The following MAPT variants were observed in gnomAD, a reference collection of about 807,000 sequenced individuals.
MAPT encodes the protein microtubule-associated protein tau.
Under a neutral mutation model 67.9 loss-of-function variants are expected in MAPT, and 34 were observed. The observed-to-expected ratio is 0.50, with a 90% CI of 0.38 to 0.67. MAPT has a LOEUF of 0.67. Among genes scored for constraint, MAPT ranks in the 30% least tolerant of loss-of-function variants. MAPT has a pLI of 0.00. For missense variants in MAPT, 881 were observed against 1,115.2 expected (o/e 0.79, Z 2.99); for synonymous variants, 456 against 464.5 (o/e 0.98, Z 0.23).
At chr17:45,900,854 CGGGTTG>C (rs2063567692) in intron 1 of MAPT, among the ~76,000 whole-genome samples, 1 of 152,128 alleles carries the variant, frequency 6.6e-6, no homozygotes, top group Non-Finnish European at 1.5e-5. Flanking sequence ...ACCTGTCTCA[CGGGTTG>C]CCATGGGGTT....
At chr17:46,022,792 C>T (rs940912611) in intron 12 of MAPT, among the ~76,000 whole-genome samples, 6 of 152,066 alleles carry the variant, frequency 3.9e-5, no homozygotes, top group Non-Finnish European at 7.3e-5. Flanking sequence ...CAGCCAGGCA[C>T]GATGGCATGA....
chr17:45,983,228 C>G lies in MAPT; in HGVS notation c.649C>G (p.Pro217Ala). Residue 217 changes from proline to alanine, a missense_variant, in exon 5 of 13, where the codon CCC (proline) becomes GCC (alanine). Physicochemically the swap from Pro to Ala is conservative, Grantham distance 27. Around this residue, in one of 6 missense-constraint regions of MAPT, gnomAD observed 687 missense variants for 766.1 expected, o/e 0.90. Coordinates refer to ENST00000262410, the MANE Select transcript of MAPT (RefSeq NM_001377265.1). ...VQEGFLREPG[P>A]PGLSHQLMSG... ...GGAAGGCTTCCTCCGAGAGCCAGGC[C>G]CCCCAGGTCTGAGCCACCAGCTCAT... The G allele has an allele frequency of 6.2e-7, 1 of 1,606,150 alleles. No homozygotes were observed. Among genetic ancestry groups the G allele is most frequent in the Non-Finnish European group, 8.5e-7 (1 of 1,176,654 alleles).
At chr17:45,943,791 G>T (rs1277386089) in intron 1 of MAPT, among the ~76,000 whole-genome samples, 2 of 152,108 alleles carry the variant, frequency 1.3e-5, no homozygotes, top group African/African-American at 2.4e-5. Flanking sequence ...ACATTGTGTG[G>T]GTTCCAGCGC....
At chr17:45,940,384 C>T (rs958110583) in intron 1 of MAPT, among the ~76,000 whole-genome samples, 3 of 152,232 alleles carry the variant, frequency 2.0e-5, no homozygotes, top group African/African-American at 4.8e-5. Context: ...CCTGTCTGTG[C>T]TTCAGAGTCC....
intron 1 of MAPT, among the ~76,000 whole-genome samples, chr17:45,900,670 C>T (rs1011098642): frequency 3.9e-5 from 6 of 152,138 alleles, no homozygotes; most frequent in African/African-American, 7.2e-5. Flanking sequence ...CCCAGGTCCC[C>T]AGTGCAGGGC....
chr17:45,918,882 A>G (rs1265028233), intron 1 of MAPT, among the ~76,000 whole-genome samples: 2 of 151,888 alleles, frequency 1.3e-5, no homozygotes, highest in African/African-American at 2.4e-5. Context: ...ACATGGTGAA[A>G]CCCTGTCTCT....
Position 45,971,888 on chromosome 17 carries a change from G to A in MAPT, c.163G>A (p.Gly55Arg), listed in dbSNP as rs1012826460. Residue 55 changes from glycine (G) to arginine (R), a missense_variant, in exon 3 of 13, where the codon GGA (glycine) becomes AGA (arginine). Physicochemically the swap from Gly to Arg is moderately radical, Grantham distance 125. This residue lies in a region of MAPT where 687 missense variants were observed against 766.1 expected (regional missense o/e 0.90). Transcript: ENST00000262410. This position sits in a 1 kb window ranked among gnomAD's most constrained non-coding sequence, Gnocchi z 4.3. ...TCCCCTGCAGACCCCCACTGAGGAC[G>A]GATCTGAGGAACCGGGCTCTGAAAC... ...ESPLQTPTED[G>R]SEEPGSETSD... 8.1e-6 allele frequency: 13 copies of A among 1,613,992 alleles called. No homozygotes were observed. The highest frequency in any genetic ancestry group is 1.6e-4 in the Middle Eastern group (1 of 6,084).
chr17:46,022,517 G>A (rs1024905991), intron 12 of MAPT, among the ~76,000 whole-genome samples: 6 of 152,130 alleles, frequency 3.9e-5, no homozygotes, highest in African/African-American at 1.2e-4. Flanking sequence ...CCTTCACCCC[G>A]CATCCATGGA....
At chr17:45,998,319 G>A (rs998955509) in intron 9 of MAPT, among the ~76,000 whole-genome samples, 3 of 152,210 alleles carry the variant, frequency 2.0e-5, no homozygotes, top group South Asian at 4.1e-4. Flanking sequence ...GGAAATGGAC[G>A]GTCGGGTTAA....
At chr17:45,989,046 G>T (rs947719466) in intron 6 of MAPT, among the ~76,000 whole-genome samples, 1 of 152,124 alleles carries the variant, frequency 6.6e-6, no homozygotes, top group Non-Finnish European at 1.5e-5. Flanking sequence ...CCAACTTGGG[G>T]GGGGCACACT....
chr17:45,937,143 C>G lies in MAPT; in HGVS notation c.-17-25178C>G, dbSNP rs1271916868. Reference sequence around the variant, plus strand: ...CCAGCACAGGCCAATGTGCACTGCTCTCCTATCTTTGTACCCCCACTGTTG... The same window carrying G: ...CCAGCACAGGCCAATGTGCACTGCTGTCCTATCTTTGTACCCCCACTGTTG... On this transcript the variant is annotated intron_variant, in intron 1 of 12. Coordinates refer to ENST00000262410, the MANE Select transcript of MAPT (RefSeq NM_001377265.1). 5.9e-5 allele frequency among the ~76,000 whole-genome samples: 9 copies of G among 152,344 alleles called. No individual in the cohort carries two copies. In the East Asian group the frequency reaches 1.7e-3, roughly 29 times the overall value.
At chr17:45,911,801 A>G (rs371279873) in intron 1 of MAPT, among the ~76,000 whole-genome samples, 3 of 151,472 alleles carry the variant, frequency 2.0e-5, no homozygotes, top group African/African-American at 7.2e-5. Flanking sequence ...AGGCTTTCTT[A>G]AAGAGACTTG....
chr17:45,931,894 C>T (rs1219740463), intron 1 of MAPT: 1 of 151,742 alleles, frequency 6.6e-6, no homozygotes, highest in Non-Finnish European at 1.5e-5. Context: ...CAAGATTTGC[C>T]TGGGCAACAT....
intron 1 of MAPT, among the ~76,000 whole-genome samples, chr17:45,940,485 G>T (rs2067755333): frequency 6.6e-6 from 1 of 152,236 alleles, no homozygotes; most frequent in Admixed American, 6.5e-5. Flanking sequence ...CACAGAGTAA[G>T]CACTCAAATG....
chr17:45,974,725 G>A (rs2072135401), intron 3 of MAPT: 1 of 517,060 alleles, frequency 1.9e-6, no homozygotes, highest in East Asian at 3.3e-5. Context: ...TCTTGCCTCA[G>A]TCAGCGCGTC....
intron 1 of MAPT, among the ~76,000 whole-genome samples, chr17:45,918,575 A>G (rs1384038362): frequency 6.6e-6 from 1 of 152,214 alleles, no homozygotes; most frequent in Non-Finnish European, 1.5e-5. Context: ...ACCTACTGTG[A>G]TAAGCTGCCA....
chr17:46,020,510 G>A (rs1016929339), intron 12 of MAPT, among the ~76,000 whole-genome samples: 1 of 152,290 alleles, frequency 6.6e-6, no homozygotes, highest in African/African-American at 2.4e-5. Flanking sequence ...AGGGAAAAGG[G>A]ATTGTATTAG....
rs1362754701 is a variant in MAPT, at chr17:45,896,197, C to G, written c.-18+1511C>G. 1 of 152,134 alleles carries G rather than the reference C, an allele frequency of 6.6e-6. No homozygotes were observed. Among genetic ancestry groups the G allele is most frequent in the Non-Finnish European group, 1.5e-5 (1 of 68,054 alleles). The allele number at this position is 152,134 out of a possible 1,614,324, so 9.4% of individuals were successfully genotyped here. On this transcript the variant is annotated intron_variant, in intron 1 of 12. Coordinates refer to ENST00000262410, the MANE Select transcript of MAPT (RefSeq NM_001377265.1). This position sits in a 1 kb window ranked among gnomAD's most constrained non-coding sequence, Gnocchi z 5.6. ...TGGAACGGGCGTGACCGCGCGCAGC[C>G]TCGTCTCGGAGTCTGCCGGCGCCGG...
At position 46,010,517 on chromosome 17, in the gene MAPT, G is replaced by T; in HGVS notation, c.2091+115G>T. 6 of 812,286 alleles carry T rather than the reference G, an allele frequency of 7.4e-6. No homozygotes were observed. Among genetic ancestry groups the T allele is most frequent in the Non-Finnish European group, 1.0e-5 (5 of 480,398 alleles). 50.3% of individuals were successfully genotyped at this position (812,286 alleles called of 1,614,324 possible). A position where few individuals can be genotyped will look rare whatever the true frequency, so the allele number is the denominator to read the frequency against. ...GAATAAATCCTTCTTGGGCTCTCAG[G>T]ATCTGGCTGCGACCTCTGGGTGAAT... On this transcript the variant is annotated intron_variant, in intron 10 of 12. Transcript: ENST00000262410. This position sits in a 1 kb window ranked among gnomAD's most constrained non-coding sequence, Gnocchi z 4.7.
Sources: gnomAD v4.1 joint callset for allele counts (sites outside exome capture counted in the v4.1 genomes callset) on GRCh38, gnomAD v4.1.1 for gene constraint, gnomAD v4.1.1 regional missense constraint, Gnocchi (gnomAD v3.1) non-coding constraint, MANE v1.5 for transcripts, NCBI Gene and HGNC (gene_info 2026-07-23, HGNC 2026-07-21) for gene names.